Variants in ADAM12 observed in about 807,000 individuals in gnomAD.
ADAM12 encodes the protein ADAM metallopeptidase domain 12, also known as disintegrin and metalloproteinase domain-containing protein 12.
ADAM12 carries 70 observed loss-of-function variants against 106.4 expected under a neutral mutation model. The observed-to-expected ratio is 0.66, with a 90% confidence interval of 0.54 to 0.80. ADAM12 has a LOEUF of 0.80. Among genes scored for constraint, ADAM12 ranks in the 30% least tolerant of loss-of-function variants. The pLI, the probability that ADAM12 is intolerant of heterozygous loss-of-function variation, is 0.00. For missense variants in ADAM12, 1,010 were observed against 1,171.9 expected (o/e 0.86, Z 2.02); for synonymous variants, 420 against 433.5 (o/e 0.97, Z 0.39).
intron 8 of ADAM12, among the ~76,000 whole-genome samples, chr10:126,106,102 T>C (rs1237288064): frequency 6.6e-6 from 1 of 151,936 alleles, no homozygotes; most frequent in East Asian, 1.9e-4. Context: ...GCCCCTCCAC[T>C]CCAACGAAAC....
In ADAM12 at chr10:126,229,256, T is replaced by C. The variant is rs115501008; in HGVS notation, c.260+49659A>G. Among the ~76,000 whole-genome samples the C allele has an allele frequency of 8.2e-3, 1,249 of 152,260 alleles. 19 individuals carry two copies. Among genetic ancestry groups the C allele is most frequent in the African/African-American group, 0.029 (1,193 of 41,540 alleles). On this transcript the variant is annotated intron_variant, in intron 3 of 22. Coordinates refer to ENST00000448723, the MANE Select transcript of ADAM12 (RefSeq NM_001288973.2). The stretch of plus-strand genomic sequence containing the variant: ...AATCTAGGAGGGGAAATATTATCAA[T>C]TGGCCTGAAAGTTCTTAATTTGCCT...
chr10:126,114,016 G>GTAT (rs1406444001), intron 6 of ADAM12, among the ~76,000 whole-genome samples: 1 of 152,092 alleles, frequency 6.6e-6, no homozygotes, highest in Admixed American at 6.6e-5. Context: ...AAAACAATCA[G>GTAT]TATTAGCTCA....
rs117261568 is a variant in ADAM12, at chr10:126,384,124, C to A, written c.88+3934G>T. ...GACCATGAGGAAGTAAGCATAAAGG[C>A]AAAAGTCAACATCTACGTATCGCAG... On this transcript the variant is annotated intron_variant, in intron 1 of 22. Transcript: ENST00000448723. Among the ~76,000 whole-genome samples, 40 of 152,168 alleles carry A rather than the reference C, an allele frequency of 2.6e-4. No individual in the cohort carries two copies. In the East Asian group the frequency reaches 7.4e-3, roughly 28 times the overall value.
intron 3 of ADAM12, among the ~76,000 whole-genome samples, chr10:126,171,700 A>T (rs1013996659): frequency 6.6e-6 from 1 of 152,206 alleles, no homozygotes; most frequent in Non-Finnish European, 1.5e-5. Flanking sequence ...GAAAAAGATG[A>T]ACATGCTTCC....
chr10:126,044,740 T>A (rs1954270319), intron 17 of ADAM12, among the ~76,000 whole-genome samples: 1 of 152,244 alleles, frequency 6.6e-6, no homozygotes, highest in South Asian at 2.1e-4. Context: ...ACTGTCAAGA[T>A]AGGCTTTAAT....
At chr10:126,276,595 CTTA>C (rs1335317966) in intron 3 of ADAM12, among the ~76,000 whole-genome samples, 4 of 152,030 alleles carry the variant, frequency 2.6e-5, no homozygotes, top group African/African-American at 7.2e-5. Flanking sequence ...TTGGCATCCT[CTTA>C]TTATGAAAAT....
At chr10:126,076,976 G>A (rs1955113849) in intron 11 of ADAM12, among the ~76,000 whole-genome samples, 1 of 152,142 alleles carries the variant, frequency 6.6e-6, no homozygotes, top group Admixed American at 6.5e-5. Context: ...TCTCTTTGCT[G>A]ACAATATAAT....
chr10:126,238,563 T>C (rs1958464347), intron 3 of ADAM12, among the ~76,000 whole-genome samples: 1 of 152,228 alleles, frequency 6.6e-6, no homozygotes, highest in Non-Finnish European at 1.5e-5. Context: ...ACCATTTTAC[T>C]ATCTATATGC....
At chr10:126,295,548 T>TACACATAC (rs1960332472) in intron 2 of ADAM12, among the ~76,000 whole-genome samples, 1 of 146,532 alleles carries the variant, frequency 6.8e-6, no homozygotes, top group African/African-American at 2.5e-5. Context: ...CACACACACA[T>TACACATAC]ACACACACAC....
At chr10:126,056,062 C>T (rs1954623661) in intron 14 of ADAM12, among the ~76,000 whole-genome samples, 1 of 152,160 alleles carries the variant, frequency 6.6e-6, no homozygotes, top group Non-Finnish European at 1.5e-5. Context: ...GAAGTTTGGC[C>T]AGTAAAACTG....
intron 3 of ADAM12, among the ~76,000 whole-genome samples, chr10:126,203,970 C>T (rs551017068): frequency 2.0e-5 from 3 of 152,092 alleles, no homozygotes; most frequent in African/African-American, 7.2e-5. Flanking sequence ...GTGAACCAAA[C>T]TAAGTCATCT....
chr10:126,161,733 CG>C (rs977201126), intron 3 of ADAM12, among the ~76,000 whole-genome samples: 26 of 152,026 alleles, frequency 1.7e-4, no homozygotes, highest in African/African-American at 6.3e-4. Context: ...TAAAAGGGGC[CG>C]GGAGTCAAAG....
At chr10:126,169,689 T>C (rs780852021) in intron 3 of ADAM12, among the ~76,000 whole-genome samples, 44 of 152,202 alleles carry the variant, frequency 2.9e-4, no homozygotes, top group Admixed American at 7.2e-4. Flanking sequence ...ACCTAAAATA[T>C]ATCTGTTTTT....
chr10:126,328,246 T>C (rs1286884824), intron 2 of ADAM12, among the ~76,000 whole-genome samples: 2 of 152,238 alleles, frequency 1.3e-5, no homozygotes, highest in African/African-American at 2.4e-5. Context: ...TGGCACATAA[T>C]AGGTGCTTAG....
At chr10:126,223,118 T>C (rs899900041) in intron 3 of ADAM12, among the ~76,000 whole-genome samples, 1 of 152,236 alleles carries the variant, frequency 6.6e-6, no homozygotes, top group African/African-American at 2.4e-5. Flanking sequence ...TATCAATTTA[T>C]AGCCTGTAAG....
chr10:126,094,421 T>C (rs1955520004), intron 10 of ADAM12, among the ~76,000 whole-genome samples: 1 of 152,200 alleles, frequency 6.6e-6, no homozygotes, highest in Non-Finnish European at 1.5e-5. Context: ...AGGGTCTCCA[T>C]TCTGCTTCCT....
intron 3 of ADAM12, among the ~76,000 whole-genome samples, chr10:126,200,667 G>A (rs965881505): frequency 2.6e-5 from 4 of 152,150 alleles, no homozygotes; most frequent in African/African-American, 9.7e-5. Flanking sequence ...CTCCAGGAAC[G>A]TTAGCTATTT....
intron 14 of ADAM12, among the ~76,000 whole-genome samples, chr10:126,060,159 G>C (rs1481992098): frequency 6.6e-6 from 1 of 152,138 alleles, no homozygotes; most frequent in Non-Finnish European, 1.5e-5. Flanking sequence ...AAACCCAAAG[G>C]CATTCTCAAA....
intron 3 of ADAM12, among the ~76,000 whole-genome samples, chr10:126,171,244 C>G (rs929894480): frequency 3.9e-5 from 6 of 152,108 alleles, no homozygotes; most frequent in Non-Finnish European, 7.3e-5. Flanking sequence ...TATGCTTCGG[C>G]TAGGCAGGGT....
Sources: allele counts gnomAD v4.1 joint callset (sites outside exome capture counted in the v4.1 genomes callset), GRCh38; gene constraint gnomAD v4.1.1; transcripts MANE v1.5; gene names NCBI Gene and HGNC (gene_info 2026-07-23, HGNC 2026-07-21).